SNAP47: variants seen among roughly 807,000 people sequenced by gnomAD.
SNAP47 encodes synaptosome associated protein 47, also known as synaptosomal-associated protein 47.
SNAP47 carries 20 observed loss-of-function variants against 31.4 expected under a neutral mutation model. The observed-to-expected ratio is 0.64, with a 90% confidence interval of 0.45 to 0.93. The LOEUF (loss-of-function observed/expected upper bound fraction) is 0.93, where lower values mean the gene tolerates loss of function less well. Ranked by LOEUF, SNAP47 falls within the 40% of genes least tolerant of loss-of-function variation. SNAP47 has a pLI of 0.00. For synonymous variants in SNAP47, 194 were observed against 213.4 expected, an observed-to-expected ratio of 0.91 and a Z score of 0.79; for missense variants, 492 against 528.5, an observed-to-expected ratio of 0.93 and a Z score of 0.68.
chr1:227,774,206 T>G (rs1291081851), intron 4 of SNAP47, among the ~76,000 whole-genome samples: 2 of 152,226 alleles, frequency 1.3e-5, no homozygotes, highest in Non-Finnish European at 2.9e-5. Context: ...CATGGGTTTA[T>G]AGTGCTGTGC....
intron 4 of SNAP47, among the ~76,000 whole-genome samples, chr1:227,774,345 G>C (rs1664026869): frequency 6.7e-6 from 1 of 150,012 alleles, no homozygotes; most frequent in Admixed American, 6.6e-5. Flanking sequence ...AAGTGGGTTT[G>C]TGCAGCTGTT....
intron 4 of SNAP47, among the ~76,000 whole-genome samples, chr1:227,773,324 TATAGG>T (rs1663944920): frequency 6.6e-6 from 1 of 152,046 alleles, no homozygotes; most frequent in Non-Finnish European, 1.5e-5. Context: ...GAAAACAGCA[TATAGG>T]ATAAGAATAT....
At chr1:227,732,360 T>C (rs1060295), upstream of SNAP47, 4 of 1,602,062 alleles carry the variant, frequency 2.5e-6, no homozygotes, top group Middle Eastern at 4.4e-4. Context: ...GCTGCCTCTC[T>C]TCCACCCGTC....
chr1:227,766,762 C>G (rs1663429533), intron 3 of SNAP47, among the ~76,000 whole-genome samples, 197 bp from the exon 4 acceptor site: 1 of 152,244 alleles, frequency 6.6e-6, no homozygotes, highest in African/African-American at 2.4e-5. Context: ...TGGCCACCGT[C>G]TGTTTGCAGT....
At chr1:227,759,553 T>C in intron 3 of SNAP47, 68 bp downstream of exon 3, 1 of 1,559,096 alleles carries the variant, frequency 6.4e-7, no homozygotes, top group Non-Finnish European at 8.7e-7. Flanking sequence ...TCAGCACGCC[T>C]GTGGGAAATG....
intron 2 of SNAP47, among the ~76,000 whole-genome samples, chr1:227,749,369 C>T (rs1011784214): frequency 1.1e-4 from 16 of 152,152 alleles, no homozygotes; most frequent in Admixed American, 6.5e-4. Flanking sequence ...CCTCAGGTTC[C>T]ATCCAGTCCC....
intron 4 of SNAP47, among the ~76,000 whole-genome samples, chr1:227,767,322 C>T (rs913327578): frequency 1.3e-5 from 2 of 152,224 alleles, no homozygotes; most frequent in Non-Finnish European, 2.9e-5. Context: ...CATTCCTATG[C>T]ACACACAGCT....
At chr1:227,768,024 A>G (rs1663550954) in intron 4 of SNAP47, among the ~76,000 whole-genome samples, 1 of 152,152 alleles carries the variant, frequency 6.6e-6, no homozygotes, top group South Asian at 2.1e-4. Flanking sequence ...TCATCATATC[A>G]CTTCATTTGT....
In SNAP47 at chr1:227,779,379, G is replaced by A. The variant is rs548067241; in HGVS notation, c.1114-1148G>A. Among the ~76,000 whole-genome samples the A allele has an allele frequency of 2.0e-5, 3 of 152,278 alleles. No homozygotes were observed. In the South Asian group the frequency reaches 6.2e-4, roughly 32 times the overall value. On this transcript the variant is annotated intron_variant, in intron 4 of 4. Coordinates refer to ENST00000617596, the MANE Select transcript of SNAP47 (RefSeq NM_053052.4). Reference sequence around the variant, plus strand: ...AACCCCACAGGATGCTGAGCCTCCCGCCATGTCACTGGGCGGAGCGTGGGG... The same window carrying A: ...AACCCCACAGGATGCTGAGCCTCCCACCATGTCACTGGGCGGAGCGTGGGG...
In SNAP47 at chr1:227,753,851, C is replaced by T. The variant is rs1244356608; in HGVS notation, c.498-5144C>T. ...GCATACAGACAGGCAGGCTATGGGT[C>T]TCCAACCCCACGACAGCATCTAGGG... On this transcript the variant is annotated intron_variant, in intron 2 of 4. Coordinates refer to ENST00000617596, the MANE Select transcript of SNAP47 (RefSeq NM_053052.4). 3.9e-5 allele frequency among the ~76,000 whole-genome samples: 6 copies of T among 152,180 alleles called. No individual in the cohort carries two copies. In the East Asian group the frequency reaches 9.8e-4, roughly 25 times the overall value.
At chr1:227,753,519 T>G (rs1662508115) in intron 2 of SNAP47, among the ~76,000 whole-genome samples, 1 of 152,152 alleles carries the variant, frequency 6.6e-6, no homozygotes, top group African/African-American at 2.4e-5. Flanking sequence ...CTGCCTCATC[T>G]CACTGCTGCC....
intron 3 of SNAP47, among the ~76,000 whole-genome samples, chr1:227,764,445 A>G (rs1183498290): frequency 1.3e-5 from 2 of 152,204 alleles, no homozygotes. Context: ...GCCATGTCGT[A>G]GGTAGGGAGG....
chr1:227,760,915 C>T (rs1462476056), intron 3 of SNAP47, among the ~76,000 whole-genome samples: 2 of 152,174 alleles, frequency 1.3e-5, no homozygotes, highest in South Asian at 2.1e-4. Flanking sequence ...TAAAATCCAC[C>T]GATTTTCCCC....
intron 2 of SNAP47, among the ~76,000 whole-genome samples, chr1:227,751,733 A>G (rs1662368571): frequency 6.8e-6 from 1 of 146,826 alleles, no homozygotes; most frequent in African/African-American, 2.5e-5. Context: ...GGCCAATTAC[A>G]TAAAGACTTG....
rs1423463002 is a variant in SNAP47 at position 227,766,849 on chromosome 1, G to A, written c.989-110G>A. On this transcript the variant is annotated intron_variant, in intron 3 of 4. Coordinates refer to ENST00000617596, the MANE Select transcript of SNAP47 (RefSeq NM_053052.4). ...GTCGAGAGAGGAAGCAGTCCTGCGT[G>A]TGGTGGCGGGAGGAACACCGCCTCA... 5 of 1,472,572 alleles carry A rather than the reference G, an allele frequency of 3.4e-6. No homozygotes were observed. The African/African-American group carries it at 4.1e-5, about 12-fold the overall frequency. The allele number at this position is 1,472,572 out of a possible 1,614,324, so 91.2% of individuals were successfully genotyped here. A position where few individuals can be genotyped will look rare whatever the true frequency, so the allele number is the denominator to read the frequency against.
chr1:227,762,484 G>C lies in SNAP47; in HGVS notation c.988+2999G>C, dbSNP rs1277028885. Among the ~76,000 whole-genome samples the C allele has an allele frequency of 1.3e-5, 2 of 152,242 alleles. No homozygotes were observed. Among genetic ancestry groups the C allele is most frequent in the Non-Finnish European group, 1.5e-5 (1 of 68,036 alleles). ...GCGTAGGCACAGGGACTCTGTGCCA[G>C]CTTCCCTGTGTTTACTGCTCTCAGC... On this transcript the variant is annotated intron_variant, in intron 3 of 4. Coordinates refer to ENST00000617596, the MANE Select transcript of SNAP47 (RefSeq NM_053052.4). The surrounding 1 kb of genome is among the most constrained non-coding windows in gnomAD (Gnocchi z 4.2).
rs74140375 is a variant in SNAP47, at chr1:227,741,329, G to C, written c.-46+5830G>C. 0.023 allele frequency among the ~76,000 whole-genome samples: 3,486 copies of C among 152,238 alleles called. 119 individuals carry two copies. The highest frequency in any genetic ancestry group is 0.078 in the African/African-American group (3,253 of 41,508). On this transcript the variant is annotated intron_variant, in intron 1 of 4. Coordinates refer to ENST00000617596, the MANE Select transcript of SNAP47 (RefSeq NM_053052.4). This position sits in a 1 kb window ranked among gnomAD's most constrained non-coding sequence, Gnocchi z 4.2. ...CATGAGGAGGCTATGGCCAAGGAGA[G>C]TGGACGCAGGCACTCATGGAAGTGG...
At chr1:227,759,652 A>G (rs1311528779) in intron 3 of SNAP47, 167 bp downstream of exon 3, 5 of 817,654 alleles carry the variant, frequency 6.1e-6, no homozygotes, top group Non-Finnish European at 9.5e-6. Context: ...ATTCCAGACC[A>G]TTTTCCTTGT....
At chr1:227,738,276 G>A (rs1661363685) in intron 1 of SNAP47, among the ~76,000 whole-genome samples, 1 of 152,112 alleles carries the variant, frequency 6.6e-6, no homozygotes, top group Non-Finnish European at 1.5e-5. Flanking sequence ...TCCTGACCTT[G>A]TGATCTGCCC....
Sources: gnomAD v4.1 joint callset for allele counts (sites outside exome capture counted in the v4.1 genomes callset) on GRCh38, gnomAD v4.1.1 for gene constraint, Gnocchi (gnomAD v3.1) non-coding constraint, MANE v1.5 for transcripts, NCBI Gene and HGNC (gene_info 2026-07-23, HGNC 2026-07-21) for gene names.